Variants in EIF4G3 observed in about 807,000 individuals in gnomAD.
The protein encoded by EIF4G3 is eukaryotic translation initiation factor 4 gamma 3.
A neutral mutation model predicts 186.4 loss-of-function variants in EIF4G3; 34 were observed. The ratio of observed to expected loss-of-function variants is 0.18; its 90% CI spans 0.14 to 0.24. EIF4G3 has a LOEUF of 0.24. Ranked by LOEUF, EIF4G3 falls within the 10% of genes least tolerant of loss-of-function variation. The probability of loss-of-function intolerance (pLI) is 1.00; values close to 1 mark genes in which losing one functional copy is unlikely to be tolerated. For synonymous variants in EIF4G3, 673 were observed against 679.5 expected (o/e 0.99, Z 0.15); for missense variants, 1,536 against 1,948.5 (o/e 0.79, Z 3.99).
At chr1:20,873,742 G>A (rs1236262247) in intron 20 of EIF4G3, among the ~76,000 whole-genome samples, 2 of 138,160 alleles carry the variant, frequency 1.4e-5, no homozygotes, top group African/African-American at 2.7e-5. Flanking sequence ...AAAAAACCAC[G>A]AGATACAGGT....
chr1:20,856,501 CA>C (rs1446288829), intron 25 of EIF4G3, among the ~76,000 whole-genome samples: 1 of 152,146 alleles, frequency 6.6e-6, no homozygotes, highest in East Asian at 1.9e-4. Context: ...CTACATTCTC[CA>C]AAGTTCTTCA....
chr1:20,877,042 C>T (rs1367482074), intron 20 of EIF4G3, among the ~76,000 whole-genome samples: 1 of 152,148 alleles, frequency 6.6e-6, no homozygotes. Context: ...AAGTGGGTGG[C>T]TTGTCTATAA....
At chr1:21,028,119 G>C (rs1438426113) in intron 4 of EIF4G3, among the ~76,000 whole-genome samples, 1 of 152,180 alleles carries the variant, frequency 6.6e-6, no homozygotes, top group East Asian at 1.9e-4. Flanking sequence ...GCTGTTGCCA[G>C]GGTGCAAAGG....
At chr1:21,024,198 G>A (rs34602121) in intron 4 of EIF4G3, among the ~76,000 whole-genome samples, 58,888 of 147,512 alleles carry the variant, frequency 0.4, 12,139 homozygotes, top group Middle Eastern at 0.54. Context: ...CCGGCCAGCC[G>A]CCCCATCCGG....
At chr1:20,901,662 C>T (rs1435173878) in intron 15 of EIF4G3, among the ~76,000 whole-genome samples, 1 of 151,912 alleles carries the variant, frequency 6.6e-6, no homozygotes, top group Non-Finnish European at 1.5e-5. Flanking sequence ...TCAGAGAACA[C>T]AGAATCACTG....
intron 3 of EIF4G3, among the ~76,000 whole-genome samples, chr1:21,075,720 AAAAC>A (rs1218626935): frequency 6.6e-6 from 1 of 152,054 alleles, no homozygotes; most frequent in Non-Finnish European, 1.5e-5. Context: ...CAAAAACTGT[AAAAC>A]AGACAGAAAA....
chr1:20,954,277 C>T (rs112393629), intron 12 of EIF4G3, among the ~76,000 whole-genome samples: 164 of 152,144 alleles, frequency 1.1e-3, no homozygotes, highest in African/African-American at 3.9e-3. Context: ...GTGGCTCACG[C>T]CTCTAATCCC....
chr1:21,017,498 G>T (rs959958980), intron 4 of EIF4G3, among the ~76,000 whole-genome samples: 1 of 151,764 alleles, frequency 6.6e-6, no homozygotes, highest in Non-Finnish European at 1.5e-5. Context: ...CGTGGTGGCG[G>T]GCACCTGTAG....
chr1:20,900,691 C>T (rs2090005403), intron 15 of EIF4G3, among the ~76,000 whole-genome samples: 1 of 152,056 alleles, frequency 6.6e-6, no homozygotes, highest in East Asian at 1.9e-4. Context: ...TTCAAAACTC[C>T]TTGAGGCAAA....
At chr1:20,813,382 G>GT (rs1187497286) in intron 34 of EIF4G3, 143 bp from the exon 35 acceptor site, 1 of 178,106 alleles carries the variant, frequency 5.6e-6, no homozygotes, top group Non-Finnish European at 1.1e-5. Flanking sequence ...GGGCAATATA[G>GT]TAAGACCCTA....
At chr1:21,050,442 C>G (rs899011493) in intron 4 of EIF4G3, among the ~76,000 whole-genome samples, 3 of 152,104 alleles carry the variant, frequency 2.0e-5, no homozygotes, top group African/African-American at 7.2e-5. Context: ...AACCAACAAA[C>G]AAAAAATCCC....
Position 20,893,648 on chromosome 1 carries a change from A to G in EIF4G3, c.2134-12T>C. On this transcript the variant is annotated splice_polypyrimidine_tract_variant and intron_variant, in intron 17 of 36. Coordinates refer to ENST00000602326, the MANE Select transcript of EIF4G3 (RefSeq NM_001391906.1). ...TTGGGTTGGTTGATCTGCATGAAAA[A>G]GCAAAAGAAAGCTTAATACATGTTC... 6.5e-7 allele frequency: 1 copy of G among 1,539,282 alleles called. No homozygotes were observed. Among genetic ancestry groups the G allele is most frequent in the Non-Finnish European group, 8.8e-7 (1 of 1,130,308 alleles).
intron 21 of EIF4G3, 117 bp downstream of exon 21, chr1:20,864,999 A>T: frequency 8.3e-7 from 1 of 1,205,224 alleles, no homozygotes; most frequent in Non-Finnish European, 1.2e-6. Flanking sequence ...TACATGGAAA[A>T]AAAAAGGCCA....
chr1:20,879,154 G>A (rs916806978), intron 20 of EIF4G3, among the ~76,000 whole-genome samples, 169 bp downstream of exon 20: 11 of 152,088 alleles, frequency 7.2e-5, no homozygotes, highest in African/African-American at 2.2e-4. Flanking sequence ...GGGAGTATAC[G>A]TTTTAATAAA....
At chr1:21,026,701 G>C (rs965079123) in intron 4 of EIF4G3, among the ~76,000 whole-genome samples, 8 of 152,106 alleles carry the variant, frequency 5.3e-5, no homozygotes, top group African/African-American at 1.9e-4. Context: ...TGTAATCCCA[G>C]CACTTTGGGA....
chr1:20,907,309 A>T (rs1379504412), intron 14 of EIF4G3, among the ~76,000 whole-genome samples: 1 of 152,198 alleles, frequency 6.6e-6, no homozygotes, highest in African/African-American at 2.4e-5. Flanking sequence ...GACACATTTA[A>T]TTTCAACTAC....
At chr1:21,070,568 C>G (rs529139522) in intron 3 of EIF4G3, among the ~76,000 whole-genome samples, 1 of 151,940 alleles carries the variant, frequency 6.6e-6, no homozygotes, top group Non-Finnish European at 1.5e-5. Context: ...GTAGATATAA[C>G]TACATTCTTC....
intron 2 of EIF4G3, among the ~76,000 whole-genome samples, chr1:21,171,704 T>A (rs1311467202): frequency 6.6e-6 from 1 of 152,168 alleles, no homozygotes; most frequent in Admixed American, 6.5e-5. Flanking sequence ...TCATAAGCAA[T>A]TATAATTCAA....
chr1:20,968,473 G>A (rs1029619887), intron 12 of EIF4G3, among the ~76,000 whole-genome samples: 1 of 152,114 alleles, frequency 6.6e-6, no homozygotes, highest in African/African-American at 2.4e-5. Context: ...GAGCCAACGC[G>A]CCCGGCCTTG....
Sources: allele counts gnomAD v4.1 joint callset (sites outside exome capture counted in the v4.1 genomes callset), GRCh38; gene constraint gnomAD v4.1.1; transcripts MANE v1.5; gene names NCBI Gene and HGNC (gene_info 2026-07-23, HGNC 2026-07-21).